The following CCDC15 variants were observed in gnomAD, a reference collection of about 807,000 sequenced individuals.
The protein encoded by CCDC15 is coiled-coil domain containing 15, also known as coiled-coil domain-containing protein 15.
Under a neutral mutation model 114.5 loss-of-function variants are expected in CCDC15, and 105 were observed. The ratio of observed to expected loss-of-function variants is 0.92; its 90% CI spans 0.78 to 1.08. The LOEUF is 1.08. Among genes scored for constraint, CCDC15 ranks in the 50% least tolerant of loss-of-function variants. The pLI is 0.00. For missense variants in CCDC15, 1,105 were observed against 1,093.6 expected (o/e 1.01, Z -0.15); for synonymous variants, 334 against 377.8 (o/e 0.88, Z 1.34).
intron 12 of CCDC15, 129 bp from the exon 13 acceptor site, chr11:125,004,980 T>G (rs1293506319): frequency 2.8e-5 from 14 of 496,006 alleles, no homozygotes. Context: ...AAAGACTTAA[T>G]CATGTAACTT....
chr11:124,975,620 T>A (rs755812610), intron 5 of CCDC15, among the ~76,000 whole-genome samples: 1 of 152,022 alleles, frequency 6.6e-6, no homozygotes, highest in African/African-American at 2.4e-5. Context: ...GGGAAGCATA[T>A]AATAAACAAG....
intron 2 of CCDC15, among the ~76,000 whole-genome samples, chr11:124,955,919 T>C (rs1434305218): frequency 2.0e-5 from 3 of 152,188 alleles, no homozygotes; most frequent in African/African-American, 7.2e-5. Flanking sequence ...AGCTATGACG[T>C]TGGGTTGATG....
At position 125,038,968 on chromosome 11, in the gene CCDC15, A is replaced by G. The variant is rs1016793507; in HGVS notation, c.2633A>G (p.Tyr878Cys). 1 of 1,613,532 alleles carries G rather than the reference A, an allele frequency of 6.2e-7. No homozygotes were observed. Among genetic ancestry groups the G allele is most frequent in the Non-Finnish European group, 8.5e-7 (1 of 1,179,586 alleles). ...CAAATCCAGGAGAAAATGCAGCTGT[A>G]TAATATTACTTTACCTCCACTATGC... ...RAQIQEKMQLYNITLPPLCCC... is the reference protein window; with the variant it reads ...RAQIQEKMQLCNITLPPLCCC... The change falls in exon 15 of 16, where the codon TAT becomes TGT. Residue 878 changes from tyrosine (Y) to cysteine (C), a missense_variant. Physicochemically the swap from Tyr to Cys is radical, Grantham distance 194. Coordinates refer to ENST00000344762, the MANE Select transcript of CCDC15 (RefSeq NM_025004.3).
In CCDC15 at chr11:124,975,163, G is replaced by T. The variant is rs1947953354; in HGVS notation, c.584G>T (p.Gly195Val). 6.2e-7 allele frequency: 1 copy of T among 1,603,690 alleles called. No individual in the cohort carries two copies. Among genetic ancestry groups the T allele is most frequent in the East Asian group, 2.3e-5 (1 of 43,998 alleles). Residue 195 changes from glycine (G) to valine (V), a missense_variant, in exon 5 of 16, where the codon GGA becomes GTA. Gly to Val is a moderately radical substitution (Grantham distance 109). Transcript: ENST00000344762. ...ASFKTVIKKK[G>V]SVFPDDGRKS... ...TTTAAAACCGTGATTAAAAAAAAGG[G>T]ATCAGTGTTTCCAGATGATGGAAGG... is the stretch of plus-strand genomic sequence containing the variant.
chr11:125,033,516 A>C (rs563263524), intron 13 of CCDC15, among the ~76,000 whole-genome samples: 1 of 152,194 alleles, frequency 6.6e-6, no homozygotes, highest in East Asian at 1.9e-4. Flanking sequence ...GAGCTCTTCA[A>C]AGATGTAGGT....
At chr11:125,016,711 TCA>T (rs1350118947) in intron 13 of CCDC15, among the ~76,000 whole-genome samples, 1 of 152,186 alleles carries the variant, frequency 6.6e-6, no homozygotes, top group African/African-American at 2.4e-5. Flanking sequence ...TTCATTCAGT[TCA>T]TTTGACTGAA....
intron 13 of CCDC15, among the ~76,000 whole-genome samples, chr11:125,033,364 C>T (rs945287417): frequency 6.6e-6 from 1 of 152,164 alleles, no homozygotes; most frequent in African/African-American, 2.4e-5. Context: ...CCCATCTTGC[C>T]TTTGATGGTT....
chr11:124,956,480 A>G (rs1451713943), intron 2 of CCDC15, among the ~76,000 whole-genome samples: 2 of 152,076 alleles, frequency 1.3e-5, no homozygotes, highest in African/African-American at 4.8e-5. Flanking sequence ...GGATGAATGC[A>G]GGAAACACCC....
At chr11:125,019,941 TGGG>T (rs58103041) in intron 13 of CCDC15, among the ~76,000 whole-genome samples, 13 of 151,910 alleles carry the variant, frequency 8.6e-5, no homozygotes, top group Admixed American at 3.9e-4. Flanking sequence ...CATTTCTATG[TGGG>T]GGGGGGCACA....
In CCDC15 at chr11:125,038,916, T is replaced by A; in HGVS notation, c.2586-5T>A. The A allele has an allele frequency of 6.2e-7, 1 of 1,609,516 alleles. No homozygotes were observed. On this transcript the variant is annotated splice_region_variant and splice_polypyrimidine_tract_variant and intron_variant, in intron 14 of 15. Transcript: ENST00000344762. ...ACTTTGCCTGATTATACTTTATTTG[T>A]ACAGATATGTAGAAGCTTTACGAGC...
chr11:125,030,573 CT>C lies in CCDC15; in HGVS notation c.2412-7855del, dbSNP rs1221472554. 2.6e-5 allele frequency among the ~76,000 whole-genome samples: 4 copies of C among 152,278 alleles called. No individual in the cohort carries two copies. In the East Asian group the frequency reaches 5.8e-4, roughly 22 times the overall value. ...ATTCCAGTGAGGACAAACCTCTGCC[CT>C]TTACATGATGGAAGAAGTCCAGTAT... On this transcript the variant is annotated intron_variant, in intron 13 of 15. Transcript: ENST00000344762.
chr11:125,021,114 AAGG>A (rs766849587), intron 13 of CCDC15, among the ~76,000 whole-genome samples: 6 of 151,858 alleles, frequency 4.0e-5, no homozygotes, highest in Admixed American at 6.6e-5. Context: ...TGAGTAAGAA[AAGG>A]AGAAGGCCTA....
chr11:124,971,538 A>G (rs756666693), intron 4 of CCDC15, among the ~76,000 whole-genome samples: 2 of 152,336 alleles, frequency 1.3e-5, no homozygotes, highest in South Asian at 2.1e-4. Flanking sequence ...TGATATATGT[A>G]CATATGTATT....
intron 6 of CCDC15, among the ~76,000 whole-genome samples, chr11:124,982,468 G>A (rs1421426808): frequency 6.6e-6 from 1 of 152,182 alleles, no homozygotes; most frequent in East Asian, 1.9e-4. Flanking sequence ...AGCACCTCTT[G>A]TAAGGCAGGT....
chr11:124,983,983 AG>A (rs1428886870), intron 6 of CCDC15, among the ~76,000 whole-genome samples: 1 of 152,090 alleles, frequency 6.6e-6, no homozygotes, highest in East Asian at 1.9e-4. Context: ...GGTTCCCTCC[AG>A]GTAGGCGTTC....
intron 6 of CCDC15, among the ~76,000 whole-genome samples, chr11:124,982,152 C>A (rs1351510520): frequency 6.6e-6 from 1 of 152,052 alleles, no homozygotes; most frequent in Non-Finnish European, 1.5e-5. Context: ...GTAGATTTTT[C>A]TCCATCCCTT....
intron 4 of CCDC15, among the ~76,000 whole-genome samples, chr11:124,965,347 A>G (rs928509457): frequency 6.6e-6 from 1 of 152,168 alleles, no homozygotes; most frequent in African/African-American, 2.4e-5. Flanking sequence ...CAAGGATTCA[A>G]CTTCTTCCTG....
intron 11 of CCDC15, among the ~76,000 whole-genome samples, chr11:124,995,543 G>A (rs1485779211): frequency 6.6e-6 from 1 of 152,106 alleles, no homozygotes; most frequent in Non-Finnish European, 1.5e-5. Flanking sequence ...CATCTATTGA[G>A]CACGTTTTAG....
At chr11:125,011,236 A>AT (rs1223910842) in intron 13 of CCDC15, among the ~76,000 whole-genome samples, 1 of 133,622 alleles carries the variant, frequency 7.5e-6, no homozygotes, top group African/African-American at 3.1e-5. Context: ...TATTATTATT[A>AT]TTATTATTAT....
Sources: gnomAD v4.1 joint callset for allele counts (sites outside exome capture counted in the v4.1 genomes callset) on GRCh38, gnomAD v4.1.1 for gene constraint, MANE v1.5 for transcripts, NCBI Gene and HGNC (gene_info 2026-07-23, HGNC 2026-07-21) for gene names.